The following MYT1L variants were observed in gnomAD, a reference collection of about 807,000 sequenced individuals.
MYT1L encodes myelin transcription factor 1-like protein.
Under a neutral mutation model 126.7 loss-of-function variants are expected in MYT1L, and 12 were observed. The ratio of observed to expected loss-of-function variants is 0.09; its 90% confidence interval spans 0.06 to 0.15. The LOEUF is 0.15. MYT1L is among the 10% of genes least tolerant of loss of function. MYT1L has a pLI of 1.00. For missense variants in MYT1L, 979 were observed against 1,585.2 expected, an observed-to-expected ratio of 0.62 and a Z score of 6.49; for synonymous variants, 541 against 604.2, an observed-to-expected ratio of 0.90 and a Z score of 1.53.
intron 19 of MYT1L, among the ~76,000 whole-genome samples, chr2:1,843,353 C>A (rs1017290580): frequency 6.6e-6 from 1 of 152,194 alleles, no homozygotes; most frequent in African/African-American, 2.4e-5. Context: ...CAGAGCGGGT[C>A]ATTCAATGCA....
At chr2:1,855,027 C>T (rs1479624564) in intron 18 of MYT1L, among the ~76,000 whole-genome samples, 1 of 152,186 alleles carries the variant, frequency 6.6e-6, no homozygotes, top group East Asian at 1.9e-4. Context: ...CATAAGGCAG[C>T]CCAGAATGGC....
At chr2:2,287,681 G>T (rs1011412143) in intron 1 of MYT1L, among the ~76,000 whole-genome samples, 4 of 152,166 alleles carry the variant, frequency 2.6e-5, no homozygotes, top group African/African-American at 9.7e-5. Context: ...TTATTTCTCA[G>T]TAAGAGCTTG....
chr2:1,814,005 C>T (rs571159571), intron 21 of MYT1L, among the ~76,000 whole-genome samples: 8 of 137,558 alleles, frequency 5.8e-5, no homozygotes, highest in East Asian at 4.4e-4. Flanking sequence ...CCAGCCTGGG[C>T]GACAGAGCGA....
intron 2 of MYT1L, among the ~76,000 whole-genome samples, chr2:2,215,453 G>C (rs2093650513): frequency 6.6e-6 from 1 of 152,118 alleles, no homozygotes; most frequent in Admixed American, 6.6e-5. Context: ...GGTAAAGAAG[G>C]TCATTTAAAA....
intron 21 of MYT1L, among the ~76,000 whole-genome samples, chr2:1,815,968 C>T (rs1366894668): frequency 6.6e-6 from 1 of 152,114 alleles, no homozygotes; most frequent in Admixed American, 6.5e-5. Context: ...AATGGAACGC[C>T]CCATGGCACA....
chr2:2,216,648 A>G (rs533750484), intron 2 of MYT1L, among the ~76,000 whole-genome samples: 97 of 152,294 alleles, frequency 6.4e-4, no homozygotes, highest in African/African-American at 2.3e-3. Flanking sequence ...AATAGAAGAA[A>G]ATAAATTATA....
chr2:1,875,216 T>G (rs1434067053), intron 18 of MYT1L, among the ~76,000 whole-genome samples: 4 of 152,006 alleles, frequency 2.6e-5, no homozygotes, highest in Non-Finnish European at 4.4e-5. Flanking sequence ...GTGCGATCGC[T>G]GCGGGGAAAG....
At chr2:1,969,722 A>G (rs900884734) in intron 8 of MYT1L, among the ~76,000 whole-genome samples, 1 of 152,216 alleles carries the variant, frequency 6.6e-6, no homozygotes, top group Non-Finnish European at 1.5e-5. Flanking sequence ...GGGAGCTTCC[A>G]GAAAGGCCTT....
chr2:2,110,940 C>A (rs563669745), intron 3 of MYT1L, among the ~76,000 whole-genome samples: 90 of 152,184 alleles, frequency 5.9e-4, no homozygotes, highest in Non-Finnish European at 1.1e-3. Flanking sequence ...GTCCTTCAAA[C>A]TTGTCCCTGT....
chr2:2,008,203 C>T (rs1012827727), intron 4 of MYT1L, among the ~76,000 whole-genome samples: 1 of 152,238 alleles, frequency 6.6e-6, no homozygotes, highest in Non-Finnish European at 1.5e-5. Flanking sequence ...AGCAAGCAGC[C>T]TGCCTAGGCG....
chr2:2,223,567 A>C (rs966534349), intron 2 of MYT1L, among the ~76,000 whole-genome samples: 7 of 152,194 alleles, frequency 4.6e-5, no homozygotes, highest in Admixed American at 4.6e-4. Context: ...AAAATAGCTG[A>C]TTTGTCACAT....
rs80231670 is a variant in MYT1L, at chr2:1,919,377, G to C, written c.1484-2038C>G. ...ACACAAAATAACCAAGCAAGCAAAG[G>C]GACCAACAATTTAACCAAACACCTT... On this transcript the variant is annotated intron_variant, in intron 10 of 24. Transcript: ENST00000647738. Among the ~76,000 whole-genome samples, 5 of 152,126 alleles carry C rather than the reference G, an allele frequency of 3.3e-5. No individual in the cohort carries two copies. In the East Asian group the frequency reaches 9.7e-4, roughly 29 times the overall value.
intron 4 of MYT1L, among the ~76,000 whole-genome samples, chr2:2,021,912 A>C (rs889392401): frequency 2.0e-5 from 3 of 152,138 alleles, no homozygotes; most frequent in Non-Finnish European, 2.9e-5. Context: ...ACAAAAAAAA[A>C]AGTGTAAGTT....
intron 3 of MYT1L, among the ~76,000 whole-genome samples, chr2:2,090,996 C>T (rs1009337946): frequency 6.6e-6 from 1 of 152,218 alleles, no homozygotes; most frequent in Non-Finnish European, 1.5e-5. Flanking sequence ...TCTACCACAT[C>T]TGCAGTTATA....
chr2:1,811,353 G>C lies in MYT1L; in HGVS notation c.3081-2186C>G, dbSNP rs1277982009. ...AGGAGCAGCGGGGACTTTAACCCCAGCGTCATCAGCTCCAGCATCATCAGC... is the reference window on the plus strand; with the variant it reads ...AGGAGCAGCGGGGACTTTAACCCCACCGTCATCAGCTCCAGCATCATCAGC... On this transcript the variant is annotated intron_variant, in intron 21 of 24. Coordinates refer to ENST00000647738, the MANE Select transcript of MYT1L (RefSeq NM_001303052.2). This position sits in a 1 kb window ranked among gnomAD's most constrained non-coding sequence, Gnocchi z 4.4. 6.6e-6 allele frequency: 1 copy of C among 152,468 alleles called. No homozygotes were observed. Among genetic ancestry groups the C allele is most frequent in the African/African-American group, 2.4e-5 (1 of 41,450 alleles). 9.4% of individuals were successfully genotyped at this position (152,468 alleles called of 1,614,324 possible). A position where few individuals can be genotyped will look rare whatever the true frequency, so the allele number is the denominator to read the frequency against.
At chr2:1,951,060 C>A (rs1361877835) in intron 8 of MYT1L, among the ~76,000 whole-genome samples, 4 of 151,996 alleles carry the variant, frequency 2.6e-5, no homozygotes, top group African/African-American at 9.7e-5. Context: ...AGACTCAGGT[C>A]TTTGCTGGCT....
At chr2:2,152,455 C>T (rs1377519087) in intron 3 of MYT1L, among the ~76,000 whole-genome samples, 4 of 152,160 alleles carry the variant, frequency 2.6e-5, no homozygotes, top group East Asian at 1.9e-4. Context: ...GGGAGAATAC[C>T]GTAGGTTCCA....
At chr2:1,970,327 T>C (rs1185089277) in intron 8 of MYT1L, among the ~76,000 whole-genome samples, 1 of 152,012 alleles carries the variant, frequency 6.6e-6, no homozygotes, top group East Asian at 1.9e-4. Context: ...ACTCCAGAAG[T>C]ATTTGCCGTG....
chr2:1,952,099 T>C (rs966481429), intron 8 of MYT1L, among the ~76,000 whole-genome samples: 1 of 152,260 alleles, frequency 6.6e-6, no homozygotes, highest in Non-Finnish European at 1.5e-5. Flanking sequence ...ATTTGAAAAC[T>C]ATGTATTTTC....
Sources: allele counts gnomAD v4.1 joint callset (sites outside exome capture counted in the v4.1 genomes callset), GRCh38; gene constraint gnomAD v4.1.1; non-coding constraint Gnocchi (gnomAD v3.1); transcripts MANE v1.5; gene names NCBI Gene and HGNC (gene_info 2026-07-23, HGNC 2026-07-21).